Variants in MRPL49 observed in about 807,000 individuals in gnomAD.
MRPL49 encodes mitochondrial ribosomal protein L49.
A neutral mutation model predicts 18.4 loss-of-function variants in MRPL49; 14 were observed. The ratio of observed to expected loss-of-function variants is 0.76; its 90% CI spans 0.50 to 1.19. The LOEUF is 1.19. Ranked by LOEUF, MRPL49 falls within the 50% of genes most tolerant of loss-of-function variation. The pLI, the probability that MRPL49 is intolerant of heterozygous loss-of-function variation, is 0.00. For missense variants in MRPL49, 190 were observed against 217.8 expected (o/e 0.87, Z 0.80); for synonymous variants, 104 against 86.2 (o/e 1.21, Z -1.14).
Position 65,122,321 on chromosome 11 carries a change from A to G in MRPL49, c.-26A>G, listed in dbSNP as rs780230031. 5 of 1,608,506 alleles carry G rather than the reference A, an allele frequency of 3.1e-6. No homozygotes were observed. Among genetic ancestry groups the G allele is most frequent in the Non-Finnish European group, 4.2e-6 (5 of 1,177,928 alleles). On this transcript the variant is annotated 5_prime_UTR_variant, in exon 1 of 4. Coordinates refer to ENST00000279242, the MANE Select transcript of MRPL49 (RefSeq NM_004927.4). ...GGGGCGGGACCAGACAGTTGCGCGCACAGAAGGCTGGCGTAGCAGGTAAAG... is the reference window on the plus strand; with the variant it reads ...GGGGCGGGACCAGACAGTTGCGCGCGCAGAAGGCTGGCGTAGCAGGTAAAG...
In MRPL49 at chr11:65,126,711, G is replaced by T; in HGVS notation, c.*839G>T. Reference sequence around the variant, plus strand: ...GTTCAAAGTACAGTGCTGGCACTGGGGCACAGAGTGCCCACGTTAGCCCCG... The same window carrying T: ...GTTCAAAGTACAGTGCTGGCACTGGTGCACAGAGTGCCCACGTTAGCCCCG... On this transcript the variant is annotated 3_prime_UTR_variant, in exon 4 of 4. Coordinates refer to ENST00000279242, the MANE Select transcript of MRPL49 (RefSeq NM_004927.4). 1 of 421,216 alleles carries T rather than the reference G, an allele frequency of 2.4e-6. No individual in the cohort carries two copies. The highest frequency in any genetic ancestry group is 4.3e-6 in the Non-Finnish European group (1 of 234,204). 26.1% of individuals were successfully genotyped at this position (421,216 alleles called of 1,614,324 possible). A position where few individuals can be genotyped will look rare whatever the true frequency, so the allele number is the denominator to read the frequency against.
chr11:65,124,411 G>T, intron 1 of MRPL49, 91 bp from the exon 2 acceptor site: 1 of 1,256,946 alleles, frequency 8.0e-7, no homozygotes, highest in African/African-American at 1.5e-5. Context: ...CATTCTCTCT[G>T]CCTGTAATGT....
Position 65,125,729 on chromosome 11 carries a change from CT to C in MRPL49, c.359del (p.Leu120ArgfsTer9). On this transcript the variant is annotated frameshift_variant, in exon 4 of 4. Transcript: ENST00000279242. LOFTEE classifies it high-confidence loss of function. ...IRKVEGDIWALQKDVEDFLSP... is the reference protein window; with the variant it reads ...IRKVEGDIWAXQKDVEDFLSP... ...CTGATTTGTCATCTTTCCCCAGGCCCTGCAGAAAGACGTGGAAGATTTTCTG... is the reference window on the plus strand; with the variant it reads ...CTGATTTGTCATCTTTCCCCAGGCCCGCAGAAAGACGTGGAAGATTTTCTG... 1 of 1,613,852 alleles carries C rather than the reference CT, an allele frequency of 6.2e-7. No individual in the cohort carries two copies. The highest frequency in any genetic ancestry group is 8.5e-7 in the Non-Finnish European group (1 of 1,179,914).
chr11:65,123,673 G>T (rs908881429), intron 1 of MRPL49, among the ~76,000 whole-genome samples: 6 of 151,954 alleles, frequency 3.9e-5, no homozygotes, highest in Admixed American at 3.9e-4. Flanking sequence ...GGCGGAGGTT[G>T]CAGTGAGCCG....
intron 2 of MRPL49, chr11:65,124,896 A>G (rs994377574): frequency 2.4e-6 from 1 of 423,536 alleles, no homozygotes; most frequent in African/African-American, 2.0e-5. Context: ...AAAGTAAACA[A>G]CAGAGAGAAA....
In MRPL49 at chr11:65,125,827, C is replaced by T. The variant is rs201525432; in HGVS notation, c.456C>T (p.Tyr152=). ...EVTGTLRIKG[Y]FDQELKAWLL... ...CAGGTACCCTACGGATCAAGGGCTA[C>T]TTTGACCAGGAGCTTAAAGCCTGGC... The change falls in exon 4 of 4, where the codon TAC becomes TAT. Residue 152 remains tyrosine (Y), a synonymous_variant. Transcript: ENST00000279242. The T allele has an allele frequency of 1.1e-5, 18 of 1,611,816 alleles. No homozygotes were observed. The highest frequency in any genetic ancestry group is 1.1e-5 in the Non-Finnish European group (13 of 1,179,396).
intron 1 of MRPL49, 150 bp from the exon 2 acceptor site, chr11:65,124,352 A>T: frequency 1.3e-6 from 1 of 786,028 alleles, no homozygotes. Flanking sequence ...GACTCACTCC[A>T]TTTTGATTCT....
chr11:65,126,992 A>C lies in MRPL49; in HGVS notation c.*1120A>C. The C allele has an allele frequency of 1.5e-6, 1 of 682,284 alleles. No homozygotes were observed. The highest frequency in any genetic ancestry group is 2.7e-6 in the Non-Finnish European group (1 of 377,066). The allele number at this position is 682,284 out of a possible 1,614,324, so 42.3% of individuals were successfully genotyped here. ...CTTATACTTGGAGTCACAGGGGCCA[A>C]AGGCCTGAGACCCCACCCTGCCCCC... is the stretch of plus-strand genomic sequence containing the variant. On this transcript the variant is annotated 3_prime_UTR_variant, in exon 4 of 4. Coordinates refer to ENST00000279242, the MANE Select transcript of MRPL49 (RefSeq NM_004927.4).
chr11:65,125,127 A>C (rs1948087493), intron 2 of MRPL49: 2 of 342,918 alleles, frequency 5.8e-6, no homozygotes, highest in South Asian at 6.7e-5. Context: ...GTAGGTGCTC[A>C]GTGCTTGCAA....
intron 1 of MRPL49, among the ~76,000 whole-genome samples, chr11:65,122,691 G>A (rs956277999): frequency 6.6e-6 from 1 of 151,372 alleles, no homozygotes; most frequent in Non-Finnish European, 1.5e-5. Context: ...GCATATGAGT[G>A]TGCGTGGGGA....
Position 65,127,072 on chromosome 11 carries a change from A to C in MRPL49, c.*1200A>C, listed in dbSNP as rs1285750051. The C allele has an allele frequency of 7.1e-6, 5 of 702,172 alleles. No individual in the cohort carries two copies. Among genetic ancestry groups the C allele is most frequent in the Non-Finnish European group, 1.3e-5 (5 of 384,890 alleles). 43.5% of individuals were successfully genotyped at this position (702,172 alleles called of 1,614,324 possible). A position where few individuals can be genotyped will look rare whatever the true frequency, so the allele number is the denominator to read the frequency against. On this transcript the variant is annotated 3_prime_UTR_variant, in exon 4 of 4. Coordinates refer to ENST00000279242, the MANE Select transcript of MRPL49 (RefSeq NM_004927.4). ...ACTCCCCAACTTGGTCTCTGCCCTG[A>C]AGCAGGGCACTGAACTCTGGGCTGC...
rs1190496879 is a variant in MRPL49 at position 65,126,854 on chromosome 11, C to G, written c.*982C>G. On this transcript the variant is annotated 3_prime_UTR_variant, in exon 4 of 4. Transcript: ENST00000279242. ...TCACAGCCAGCATAGGGACATCCCC[C>G]TGCAGCCTTCTGACCTGCAATCAAG... is the stretch of plus-strand genomic sequence containing the variant. 1 of 582,750 alleles carries G rather than the reference C, an allele frequency of 1.7e-6. No individual in the cohort carries two copies. Among genetic ancestry groups the G allele is most frequent in the East Asian group, 2.9e-5 (1 of 34,444 alleles). The allele number at this position is 582,750 out of a possible 1,614,324, so 36.1% of individuals were successfully genotyped here.
At position 65,125,613 on chromosome 11, in the gene MRPL49, G is replaced by A. The variant is rs1220307463; in HGVS notation, c.354+1G>A. 6.5e-6 allele frequency: 4 copies of A among 612,110 alleles called. No homozygotes were observed. The highest frequency in any genetic ancestry group is 1.2e-5 in the Non-Finnish European group (4 of 327,392). 37.9% of individuals were successfully genotyped at this position (612,110 alleles called of 1,614,324 possible). The stretch of plus-strand genomic sequence containing the variant: ...CCGGAAAGTGGAAGGGGACATCTGG[G>A]TAAGTGGGTGGGTGGGTCTGGGACT... On this transcript the variant is annotated splice_donor_variant, in intron 3 of 3. Coordinates refer to ENST00000279242, the MANE Select transcript of MRPL49 (RefSeq NM_004927.4). LOFTEE classifies it high-confidence loss of function.
chr11:65,125,585 G>A lies in MRPL49; in HGVS notation c.327G>A (p.Val109=), dbSNP rs1565337670. The change falls in exon 3 of 4, where the codon GTG becomes GTA. Residue 109 remains valine, a synonymous_variant. Transcript: ENST00000279242. Reference sequence around the variant, plus strand: ...CGCATGGCAACCGGCAGATGACTGTGATCCGGAAAGTGGAAGGGGACATCT... The same window carrying A: ...CGCATGGCAACCGGCAGATGACTGTAATCCGGAAAGTGGAAGGGGACATCT... ...DITHGNRQMT[V]IRKVEGDIWA... is the part of the protein sequence containing the mutation. The A allele has an allele frequency of 2.5e-6, 4 of 1,598,228 alleles. No homozygotes were observed. Among genetic ancestry groups the A allele is most frequent in the Non-Finnish European group, 2.6e-6 (3 of 1,170,112 alleles).
In MRPL49 at chr11:65,125,590, G is replaced by A. The variant is rs748704915; in HGVS notation, c.332G>A (p.Arg111Gln). ...GGCAACCGGCAGATGACTGTGATCC[G>A]GAAAGTGGAAGGGGACATCTGGGTA... The part of the protein sequence containing the change: ...THGNRQMTVI[R>Q]KVEGDIWALQ... Residue 111 changes from arginine (R) to glutamine (Q), a missense_variant, in exon 3 of 4, where the codon CGG (arginine) becomes CAG (glutamine). By Grantham distance (43) the Arg-to-Gln change is conservative. Coordinates refer to ENST00000279242, the MANE Select transcript of MRPL49 (RefSeq NM_004927.4). 1.4e-5 allele frequency: 23 copies of A among 1,613,850 alleles called. No homozygotes were observed. Among genetic ancestry groups the A allele is most frequent in the South Asian group, 7.7e-5 (7 of 91,082 alleles).
chr11:65,124,390 T>C, intron 1 of MRPL49, 112 bp from the exon 2 acceptor site: 1 of 1,131,804 alleles, frequency 8.8e-7, no homozygotes, highest in East Asian at 2.4e-5. Flanking sequence ...CGCCCAGCCT[T>C]TTATTTATGT....
At chr11:65,122,887 T>C (rs1388251779) in intron 1 of MRPL49, among the ~76,000 whole-genome samples, 1 of 151,952 alleles carries the variant, frequency 6.6e-6, no homozygotes, top group Non-Finnish European at 1.5e-5. Context: ...GCCCGGCTAA[T>C]TTTTTGTATT....
chr11:65,124,321 G>A (rs972957492), intron 1 of MRPL49, among the ~76,000 whole-genome samples, 181 bp from the exon 2 acceptor site: 1 of 152,134 alleles, frequency 6.6e-6, no homozygotes, highest in Non-Finnish European at 1.5e-5. Context: ...AGCTCTATTT[G>A]TTGGGATTTT....
Position 65,125,936 on chromosome 11 carries a change from G to A in MRPL49, c.*64G>A. On this transcript the variant is annotated 3_prime_UTR_variant, in exon 4 of 4. Coordinates refer to ENST00000279242, the MANE Select transcript of MRPL49 (RefSeq NM_004927.4). ...GATCAAGTCTAGGGGGCCTCAGGAG[G>A]AGGGAGGTGGGTGTTGGAGCCCCTG... 6.5e-7 allele frequency: 1 copy of A among 1,532,522 alleles called. No individual in the cohort carries two copies. Among genetic ancestry groups the A allele is most frequent in the Non-Finnish European group, 8.8e-7 (1 of 1,138,664 alleles). 94.9% of individuals were successfully genotyped at this position (1,532,522 alleles called of 1,614,324 possible).
Sources: allele counts gnomAD v4.1 joint callset (sites outside exome capture counted in the v4.1 genomes callset), GRCh38; gene constraint gnomAD v4.1.1; transcripts MANE v1.5; gene names NCBI Gene and HGNC (gene_info 2026-07-23, HGNC 2026-07-21).